UBE2Q2: variants seen among roughly 807,000 people sequenced by gnomAD.
UBE2Q2 encodes the protein ubiquitin-conjugating enzyme E2 Q2.
Under a neutral mutation model 59.9 loss-of-function variants are expected in UBE2Q2, and 54 were observed. The ratio of observed to expected loss-of-function variants is 0.90; its 90% CI spans 0.72 to 1.13. The LOEUF is 1.13. Among genes scored for constraint, UBE2Q2 ranks in the 50% most tolerant of loss-of-function variants. The probability of loss-of-function intolerance (pLI) is 0.00; values close to 1 mark genes in which losing one functional copy is unlikely to be tolerated. For missense variants in UBE2Q2, 433 were observed against 441.9 expected (o/e 0.98, Z 0.18); for synonymous variants, 165 against 155.2 (o/e 1.06, Z -0.47).
intron 9 of UBE2Q2, among the ~76,000 whole-genome samples, chr15:75,886,321 T>C (rs1898765595): frequency 6.6e-6 from 1 of 152,088 alleles, no homozygotes; most frequent in African/African-American, 2.4e-5. Context: ...GGTTTCACCA[T>C]GTTGGCCAGG....
intron 3 of UBE2Q2, among the ~76,000 whole-genome samples, chr15:75,863,219 A>G (rs1897283794): frequency 6.6e-6 from 1 of 152,140 alleles, no homozygotes; most frequent in East Asian, 1.9e-4. Flanking sequence ...CTTGCTGTCA[A>G]TATCCCCCTA....
rs1245822279 is a variant in UBE2Q2, at chr15:75,876,192, A to T, written c.594A>T (p.Ala198=). ...CAGTGGCTTTTGTGTTTCAGGGTGC[A>T]GTGTCTGGGTCAGTGCAAGCTTCAG... ...KTQRQDHLNG[A]VSGSVQASDR... The change falls in exon 6 of 13, where the codon GCA becomes GCT. Residue 198 remains alanine (A), a synonymous_variant. Coordinates refer to ENST00000267938, the MANE Select transcript of UBE2Q2 (RefSeq NM_173469.4). 6.2e-7 allele frequency: 1 copy of T among 1,613,758 alleles called. No homozygotes were observed. Among genetic ancestry groups the T allele is most frequent in the African/African-American group, 1.3e-5 (1 of 74,872 alleles).
Position 75,879,229 on chromosome 15 carries a change from G to C in UBE2Q2, c.825+41G>C, listed in dbSNP as rs763677413. ...CAGGACCCCATATACTTCCAGTGGG[G>C]TGCGTATATTTGTACAAGTGCTTTG... On this transcript the variant is annotated intron_variant, in intron 8 of 12. Transcript: ENST00000267938. The C allele has an allele frequency of 1.7e-5, 21 of 1,250,710 alleles. No homozygotes were observed. The Middle Eastern group carries it at 5.8e-4, about 35-fold the overall frequency. The allele number at this position is 1,250,710 out of a possible 1,614,324, so 77.5% of individuals were successfully genotyped here. A position where few individuals can be genotyped will look rare whatever the true frequency, so the allele number is the denominator to read the frequency against.
chr15:75,878,066 T>TA (rs1567034340), intron 7 of UBE2Q2, 45 bp downstream of exon 7: 2 of 1,537,608 alleles, frequency 1.3e-6, no homozygotes, highest in Non-Finnish European at 1.8e-6. Flanking sequence ...AATGGTAGAC[T>TA]ATCACAGTGG....
At chr15:75,891,117 T>C in intron 11 of UBE2Q2, 103 bp downstream of exon 11, 3 of 873,720 alleles carry the variant, frequency 3.4e-6, no homozygotes, top group Non-Finnish European at 5.2e-6. Context: ...ATAGTTTCAT[T>C]TTCATTTGGT....
Position 75,854,501 on chromosome 15 carries a change from C to G in UBE2Q2, c.282+14C>G, listed in dbSNP as rs1357239637. 6.5e-7 allele frequency: 1 copy of G among 1,539,128 alleles called. No homozygotes were observed. Among genetic ancestry groups the G allele is most frequent in the East Asian group, 2.3e-5 (1 of 44,102 alleles). The stretch of plus-strand genomic sequence containing the variant: ...AACAACAATTTGGTAAGAAAATAAG[C>G]CAAGCTATTTTCTCTTTTCCTCATG... On this transcript the variant is annotated intron_variant, in intron 2 of 12. Transcript: ENST00000267938.
chr15:75,888,124 G>A (rs75449835), intron 9 of UBE2Q2, among the ~76,000 whole-genome samples: 1,801 of 152,116 alleles, frequency 0.012, 29 homozygotes, highest in African/African-American at 0.041. Flanking sequence ...AAAACGCTTC[G>A]AAGTGTACAA....
intron 11 of UBE2Q2, among the ~76,000 whole-genome samples, chr15:75,891,419 A>G (rs1899098061): frequency 1.3e-5 from 2 of 150,918 alleles, no homozygotes; most frequent in South Asian, 4.2e-4. Flanking sequence ...GTAAGCTTTT[A>G]TGTGCTAGGC....
intron 1 of UBE2Q2, among the ~76,000 whole-genome samples, chr15:75,845,982 G>A (rs1284358650): frequency 2.6e-5 from 4 of 152,258 alleles, no homozygotes; most frequent in African/African-American, 9.6e-5. Context: ...TGACTTGCTA[G>A]TGAAATATGA....
chr15:75,899,642 A>C lies in UBE2Q2; in HGVS notation c.*184A>C, dbSNP rs985668692. The C allele has an allele frequency of 4.5e-6, 2 of 442,660 alleles. No homozygotes were observed. Among genetic ancestry groups the C allele is most frequent in the Non-Finnish European group, 7.9e-6 (2 of 253,762 alleles). 27.4% of individuals were successfully genotyped at this position (442,660 alleles called of 1,614,324 possible). On this transcript the variant is annotated 3_prime_UTR_variant, in exon 13 of 13. Transcript: ENST00000267938. ...ACAGCCTTTGCATTTTGCTCATTTT[A>C]GATATCTTGGACTGAGCAGTGGGGC... is the stretch of plus-strand genomic sequence containing the variant.
chr15:75,900,472 T>G lies in UBE2Q2; in HGVS notation c.*1014T>G, dbSNP rs367898449. 6.5e-6 allele frequency: 1 copy of G among 152,788 alleles called. No individual in the cohort carries two copies. Among genetic ancestry groups the G allele is most frequent in the East Asian group, 1.9e-4 (1 of 5,190 alleles). The allele number at this position is 152,788 out of a possible 1,614,324, so 9.5% of individuals were successfully genotyped here. ...GACTCAAATCAAGGTACTCTCCATT[T>G]TATTGCCTTACCTGAATCAGTCCTT... is the stretch of plus-strand genomic sequence containing the variant. On this transcript the variant is annotated 3_prime_UTR_variant, in exon 13 of 13. Coordinates refer to ENST00000267938, the MANE Select transcript of UBE2Q2 (RefSeq NM_173469.4).
At position 75,876,196 on chromosome 15, in the gene UBE2Q2, T is replaced by A; in HGVS notation, c.598T>A (p.Ser200Thr). The A allele has an allele frequency of 6.2e-7, 1 of 1,614,026 alleles. No individual in the cohort carries two copies. Among genetic ancestry groups the A allele is most frequent in the Non-Finnish European group, 8.5e-7 (1 of 1,179,954 alleles). The stretch of plus-strand genomic sequence containing the variant: ...GGCTTTTGTGTTTCAGGGTGCAGTG[T>A]CTGGGTCAGTGCAAGCTTCAGATAG... The part of the protein sequence containing the change: ...QRQDHLNGAV[S>T]GSVQASDRLM... Residue 200 changes from serine (S) to threonine (T), a missense_variant, in exon 6 of 13, where the codon TCT becomes ACT. By Grantham distance (58) the Ser-to-Thr change is moderately conservative. Transcript: ENST00000267938.
chr15:75,844,564 C>A, intron 1 of UBE2Q2: 1 of 1,455,810 alleles, frequency 6.9e-7, no homozygotes, highest in South Asian at 1.3e-5. Flanking sequence ...GAGATACGCG[C>A]CAGGGCTGCT....
At position 75,873,461 on chromosome 15, in the gene UBE2Q2, G is replaced by C. The variant is rs1048595385; in HGVS notation, c.481G>C (p.Glu161Gln). The C allele has an allele frequency of 1.9e-6, 3 of 1,613,090 alleles. No homozygotes were observed. Among genetic ancestry groups the C allele is most frequent in the East Asian group, 2.2e-5 (1 of 44,856 alleles). ...IEDLDHYEMK[E>Q]EEPISGKKSE... ...AGACTTAGATCACTATGAGATGAAG[G>C]AAGAAGAGCCTATTAGTGGGAAAAA... Residue 161 changes from glutamate (E) to glutamine (Q), a missense_variant, in exon 5 of 13, where the codon GAA becomes CAA. By Grantham distance (29) the Glu-to-Gln change is conservative (BLOSUM62 2). Transcript: ENST00000267938.
chr15:75,855,578 T>A (rs1896861350), intron 2 of UBE2Q2, among the ~76,000 whole-genome samples: 2 of 152,196 alleles, frequency 1.3e-5, no homozygotes, highest in Admixed American at 1.3e-4. Context: ...CTGACATGAT[T>A]GTTTACCTGA....
In UBE2Q2 at chr15:75,900,226, T is replaced by G. The variant is rs948747887; in HGVS notation, c.*768T>G. The G allele has an allele frequency of 1.3e-5, 2 of 152,252 alleles. No homozygotes were observed. The highest frequency in any genetic ancestry group is 1.3e-4 in the Admixed American group (2 of 15,284). 9.4% of individuals were successfully genotyped at this position (152,252 alleles called of 1,614,324 possible). ...AAGTTATTTAAAATACTAAGTCATC[T>G]TACGTTTCCATTTTATTAACGGGAT... On this transcript the variant is annotated 3_prime_UTR_variant, in exon 13 of 13. Transcript: ENST00000267938.
At chr15:75,887,148 T>G (rs955724291) in intron 9 of UBE2Q2, among the ~76,000 whole-genome samples, 5 of 152,196 alleles carry the variant, frequency 3.3e-5, no homozygotes, top group Admixed American at 1.3e-4. Flanking sequence ...ATCTTCTGAT[T>G]CCTAATAAAG....
rs915885074 is a variant in UBE2Q2, at chr15:75,900,212, A to G, written c.*754A>G. 5.3e-5 allele frequency: 8 copies of G among 152,324 alleles called. No individual in the cohort carries two copies. Among genetic ancestry groups the G allele is most frequent in the African/African-American group, 1.9e-4 (8 of 41,570 alleles). The allele number at this position is 152,324 out of a possible 1,614,324, so 9.4% of individuals were successfully genotyped here. A position where few individuals can be genotyped will look rare whatever the true frequency, so the allele number is the denominator to read the frequency against. On this transcript the variant is annotated 3_prime_UTR_variant, in exon 13 of 13. Coordinates refer to ENST00000267938, the MANE Select transcript of UBE2Q2 (RefSeq NM_173469.4). ...CAGTACAGAGCTTCAAGTTATTTAAAATACTAAGTCATCTTACGTTTCCAT... is the reference window on the plus strand; with the variant it reads ...CAGTACAGAGCTTCAAGTTATTTAAGATACTAAGTCATCTTACGTTTCCAT...
chr15:75,898,220 T>A (rs565960245), intron 12 of UBE2Q2, among the ~76,000 whole-genome samples: 9 of 152,306 alleles, frequency 5.9e-5, no homozygotes, highest in African/African-American at 1.9e-4. Context: ...TTGTTTTTAT[T>A]TCTTAACCAT....
Sources: gnomAD v4.1 joint callset for allele counts (sites outside exome capture counted in the v4.1 genomes callset) on GRCh38, gnomAD v4.1.1 for gene constraint, MANE v1.5 for transcripts, NCBI Gene and HGNC (gene_info 2026-07-23, HGNC 2026-07-21) for gene names.